Variants in DAB1 observed in about 807,000 individuals in gnomAD.
DAB1 encodes DAB adaptor protein 1, also known as disabled homolog 1.
A neutral mutation model predicts 64.6 loss-of-function variants in DAB1; 15 were observed. The ratio of observed to expected loss-of-function variants is 0.23; its 90% confidence interval spans 0.16 to 0.36. The LOEUF (loss-of-function observed/expected upper bound fraction) is 0.36. Ranked by LOEUF, DAB1 falls within the 10% of genes least tolerant of loss-of-function variation. The pLI, the probability that DAB1 is intolerant of heterozygous loss-of-function variation, is 1.00. For synonymous variants in DAB1, 235 were observed against 251.9 expected, an observed-to-expected ratio of 0.93 and a Z score of 0.64; for missense variants, 596 against 706.7, an observed-to-expected ratio of 0.84 and a Z score of 1.78.
intron 5 of DAB1, among the ~76,000 whole-genome samples, chr1:57,954,295 G>A (rs1399960238): frequency 2.0e-5 from 3 of 152,092 alleles, no homozygotes; most frequent in African/African-American, 4.8e-5. Context: ...CCAATCATAG[G>A]TGCCATGGTC....
Position 57,182,026 on chromosome 1 carries a change from C to T in DAB1, c.68-36597G>A, listed in dbSNP as rs184547816. Among the ~76,000 whole-genome samples the T allele has an allele frequency of 1.5e-3, 226 of 152,280 alleles. 2 individuals are homozygous for T. The highest frequency in any genetic ancestry group is 4.8e-3 in the African/African-American group (199 of 41,542). On this transcript the variant is annotated intron_variant, in intron 2 of 14. Coordinates refer to ENST00000371236, the MANE Select transcript of DAB1 (RefSeq NM_001365792.1). Reference sequence around the variant, plus strand: ...TCAGCCTCCCGAGTAGCTGGGACTACAGGTGCATGCCACCACGCCCAGCTG... The same window carrying T: ...TCAGCCTCCCGAGTAGCTGGGACTATAGGTGCATGCCACCACGCCCAGCTG...
chr1:57,555,198 G>C (rs2805854), intron 7 of DAB1, among the ~76,000 whole-genome samples: 144,235 of 151,780 alleles, frequency 0.95, 68,934 homozygotes, highest in East Asian at 1. Flanking sequence ...CCACACCCAG[G>C]TAATTTTTGT....
intron 6 of DAB1, among the ~76,000 whole-genome samples, chr1:57,650,748 T>C (rs372219594): frequency 6.6e-6 from 1 of 152,140 alleles, no homozygotes; most frequent in South Asian, 2.1e-4. Context: ...ATATCACAAT[T>C]CCTGTACCAC....
intron 6 of DAB1, among the ~76,000 whole-genome samples, chr1:57,793,436 G>A (rs12068895): frequency 0.019 from 2,871 of 152,270 alleles, 92 homozygotes; most frequent in African/African-American, 0.067. Flanking sequence ...TACCTAGAAA[G>A]TCATGAAGAA....
chr1:57,194,666 T>C (rs1192826195), intron 2 of DAB1, among the ~76,000 whole-genome samples: 2 of 152,140 alleles, frequency 1.3e-5, no homozygotes, highest in East Asian at 1.9e-4. Context: ...TCCCCAACTC[T>C]CAGTGACAAA....
upstream of DAB1, among the ~76,000 whole-genome samples, chr1:57,886,336 T>C (rs1331127560): frequency 6.6e-6 from 1 of 152,166 alleles, no homozygotes; most frequent in African/African-American, 2.4e-5. Flanking sequence ...TTTTTGTGTT[T>C]TTAGTAGAGA....
intron 4 of DAB1, among the ~76,000 whole-genome samples, chr1:57,078,293 A>G (rs966961508): frequency 6.6e-6 from 1 of 152,196 alleles, no homozygotes; most frequent in Non-Finnish European, 1.5e-5. Flanking sequence ...AATGGAGGAA[A>G]GATATGGACT....
chr1:57,390,615 T>C (rs1682269363), intron 1 of DAB1, among the ~76,000 whole-genome samples: 1 of 152,174 alleles, frequency 6.6e-6, no homozygotes. Context: ...CTGTATAAAG[T>C]TACTCCTTCT....
chr1:57,521,173 T>C (rs1334186447), intron 7 of DAB1, among the ~76,000 whole-genome samples: 1 of 152,172 alleles, frequency 6.6e-6, no homozygotes, highest in African/African-American at 2.4e-5. Context: ...CTCAGATCTG[T>C]ATCACCTAGA....
intron 5 of DAB1, among the ~76,000 whole-genome samples, chr1:58,122,936 G>T (rs1209226416): frequency 6.6e-6 from 1 of 152,174 alleles, no homozygotes; most frequent in Non-Finnish European, 1.5e-5. Flanking sequence ...GGAAGAGAAG[G>T]CAAGAGAAGA....
chr1:58,525,699 T>C (rs778511897), intron 2 of DAB1, among the ~76,000 whole-genome samples: 3 of 152,282 alleles, frequency 2.0e-5, no homozygotes, highest in Non-Finnish European at 2.9e-5. Flanking sequence ...TTTTTCTATG[T>C]ATGTATAATT....
chr1:58,158,689 G>A (rs1458535210), intron 4 of DAB1, among the ~76,000 whole-genome samples: 1 of 152,198 alleles, frequency 6.6e-6, no homozygotes, highest in Non-Finnish European at 1.5e-5. Context: ...ACAGAGGTCT[G>A]TCTGATTCCT....
chr1:58,346,232 A>T (rs1643996273), intron 3 of DAB1, among the ~76,000 whole-genome samples: 1 of 152,208 alleles, frequency 6.6e-6, no homozygotes. Context: ...CTTTGGCTAG[A>T]AGCGGAAATG....
At chr1:58,167,435 C>T (rs896290200) in intron 4 of DAB1, among the ~76,000 whole-genome samples, 13 of 149,658 alleles carry the variant, frequency 8.7e-5, no homozygotes, top group South Asian at 4.4e-4. Flanking sequence ...TCTGTAAAAA[C>T]GCACCAATCA....
intron 4 of DAB1, among the ~76,000 whole-genome samples, chr1:58,295,388 G>A (rs1192779550): frequency 1.3e-5 from 2 of 152,238 alleles, no homozygotes; most frequent in Non-Finnish European, 2.9e-5. Context: ...TTTATTTCTA[G>A]ATGTCCTCGT....
intron 1 of DAB1, among the ~76,000 whole-genome samples, chr1:57,354,727 C>T (rs1342562654): frequency 1.1e-4 from 17 of 152,088 alleles, no homozygotes; most frequent in Admixed American, 7.9e-4. Flanking sequence ...GAACCCTGAG[C>T]AATCCATCAT....
chr1:58,076,900 C>G (rs576227433), intron 5 of DAB1, among the ~76,000 whole-genome samples: 27 of 152,256 alleles, frequency 1.8e-4, no homozygotes, highest in African/African-American at 6.3e-4. Flanking sequence ...TGGAATGAAG[C>G]TGGAAGGGAG....
At chr1:58,098,312 G>T (rs1467230875) in intron 5 of DAB1, among the ~76,000 whole-genome samples, 2 of 152,114 alleles carry the variant, frequency 1.3e-5, no homozygotes, top group African/African-American at 4.8e-5. Flanking sequence ...TAGTAATACT[G>T]GGCTCCATCG....
chr1:58,377,108 A>C (rs1644335457), intron 3 of DAB1, among the ~76,000 whole-genome samples: 2 of 145,114 alleles, frequency 1.4e-5, no homozygotes, highest in South Asian at 4.7e-4. Flanking sequence ...AATACAGCAC[A>C]CTGATGGGTC....
Sources: gnomAD v4.1 joint callset for allele counts (sites outside exome capture counted in the v4.1 genomes callset) on GRCh38, gnomAD v4.1.1 for gene constraint, MANE v1.5 for transcripts, NCBI Gene and HGNC (gene_info 2026-07-23, HGNC 2026-07-21) for gene names.